NLK: variants seen among roughly 807,000 people sequenced by gnomAD.
The protein encoded by NLK is serine/threonine-protein kinase NLK.
In NLK, 11 loss-of-function variants were observed where a neutral mutation model predicts 59.0. That is an observed-to-expected ratio of 0.19 (90% CI 0.12 to 0.31). The LOEUF is 0.31. NLK is among the 10% of genes least tolerant of loss of function. The pLI is 1.00. For synonymous variants in NLK, 235 were observed against 235.9 expected (o/e 1.00, Z 0.03); for missense variants, 410 against 661.1 (o/e 0.62, Z 4.16).
At chr17:28,069,888 T>A (rs1909951478) in intron 1 of NLK, among the ~76,000 whole-genome samples, 1 of 152,180 alleles carries the variant, frequency 6.6e-6, no homozygotes, top group Non-Finnish European at 1.5e-5. Context: ...TTTGAGAAGT[T>A]AAGTTTATCA....
chr17:28,050,861 T>A (rs2142734654), intron 1 of NLK, among the ~76,000 whole-genome samples: 1 of 152,182 alleles, frequency 6.6e-6, no homozygotes, highest in East Asian at 1.9e-4. Flanking sequence ...ACCCAGCACT[T>A]TGGGTAGCTG....
intron 1 of NLK, among the ~76,000 whole-genome samples, chr17:28,065,390 A>G (rs1223830027): frequency 2.0e-5 from 3 of 152,078 alleles, no homozygotes; most frequent in Non-Finnish European, 4.4e-5. Flanking sequence ...AAGAGATGGC[A>G]GTGTTTGGGG....
chr17:28,055,114 G>C (rs1012071231), intron 1 of NLK, among the ~76,000 whole-genome samples: 3 of 139,666 alleles, frequency 2.1e-5, no homozygotes, highest in Non-Finnish European at 4.6e-5. Context: ...TTTTTTTTGA[G>C]ACGGATTCTC....
At chr17:28,201,776 G>A in the NLK span, among the ~76,000 whole-genome samples, 1 of 152,266 alleles carries the variant, frequency 6.6e-6, no homozygotes, top group East Asian at 1.9e-4. Context: ...AGCACTTTGG[G>A]AGGCCGAGGC....
chr17:28,165,586 A>T (rs1908189574), intron 5 of NLK, among the ~76,000 whole-genome samples: 1 of 152,234 alleles, frequency 6.6e-6, no homozygotes, highest in African/African-American at 2.4e-5. Context: ...AACATTTTTT[A>T]AAAATCAGTA....
chr17:28,099,592 G>A (rs1411439404), intron 1 of NLK, among the ~76,000 whole-genome samples: 13 of 108,942 alleles, frequency 1.2e-4, no homozygotes, highest in African/African-American at 6.0e-4. Context: ...TTTTTTTTGA[G>A]ACGGAGTCTT....
chr17:28,066,913 T>TA (rs1402626342), intron 1 of NLK, among the ~76,000 whole-genome samples: 1 of 152,232 alleles, frequency 6.6e-6, no homozygotes, highest in Non-Finnish European at 1.5e-5. Flanking sequence ...GTAAAGTATC[T>TA]ATTCAAGCCT....
intron 10 of NLK, among the ~76,000 whole-genome samples, chr17:28,192,680 C>CA (rs1440378444): frequency 6.6e-6 from 1 of 150,996 alleles, no homozygotes; most frequent in African/African-American, 2.4e-5. Flanking sequence ...AAAAAAAAAA[C>CA]AAAAAACTGT....
At chr17:28,200,674 G>C (rs1218832907), downstream of NLK, among the ~76,000 whole-genome samples, 1 of 152,192 alleles carries the variant, frequency 6.6e-6, no homozygotes, top group Non-Finnish European at 1.5e-5. Context: ...TGTAAAGGCG[G>C]GGTTTCACCA....
rs1286619421 is a variant in NLK, at chr17:28,042,934, TCTG to T, written c.63_65del (p.Ala25del). 4.5e-6 allele frequency: 7 copies of T among 1,550,036 alleles called. No homozygotes were observed. Among genetic ancestry groups the T allele is most frequent in the Admixed American group, 3.9e-5 (2 of 50,850 alleles). Reference sequence around the variant, plus strand: ...GATGGCGGCTTACAATGGCGGTACATCTGCAGCAGCAGCAGGTCACCACCACCA... The same window carrying T: ...GATGGCGGCTTACAATGGCGGTACATCAGCAGCAGCAGGTCACCACCACCA... On this transcript the variant is annotated inframe_deletion, in exon 1 of 11. Transcript: ENST00000407008.
chr17:28,203,164 T>TACACACACACACACACACACACACACAC, the NLK span, among the ~76,000 whole-genome samples: 261 of 136,990 alleles, frequency 1.9e-3, 3 homozygotes, highest in African/African-American at 6.2e-3. Flanking sequence ...TATACATACA[T>TACACACACACACACACACACACACACAC]ACACACACAC....
intron 7 of NLK, among the ~76,000 whole-genome samples, chr17:28,181,581 A>G (rs1022660403): frequency 1.3e-5 from 2 of 151,988 alleles, no homozygotes; most frequent in Non-Finnish European, 2.9e-5. Flanking sequence ...AAAAAAAAAA[A>G]AAAAGGAAAA....
intron 3 of NLK, among the ~76,000 whole-genome samples, chr17:28,160,458 A>T (rs983939998): frequency 2.0e-5 from 3 of 152,184 alleles, no homozygotes; most frequent in Non-Finnish European, 4.4e-5. Flanking sequence ...CGTGCTTCAC[A>T]AGAGTCTTGA....
chr17:28,100,773 TTACC>T (rs1490502413), intron 1 of NLK, among the ~76,000 whole-genome samples: 2 of 152,210 alleles, frequency 1.3e-5, no homozygotes, highest in Admixed American at 1.3e-4. Context: ...CTAGAAATCT[TTACC>T]TAACCCAAAG....
chr17:28,147,122 C>T (rs1907288890), intron 3 of NLK, among the ~76,000 whole-genome samples: 1 of 152,082 alleles, frequency 6.6e-6, no homozygotes, highest in Non-Finnish European at 1.5e-5. Flanking sequence ...TGCATTCATC[C>T]ATCTTTTTTC....
At chr17:28,146,716 G>A (rs1344941922) in intron 3 of NLK, among the ~76,000 whole-genome samples, 1 of 152,146 alleles carries the variant, frequency 6.6e-6, no homozygotes, top group Non-Finnish European at 1.5e-5. Context: ...CCCTCCTGAA[G>A]TAGAATTGTT....
intron 2 of NLK, among the ~76,000 whole-genome samples, chr17:28,126,048 T>G (rs774994273): frequency 6.6e-6 from 1 of 152,186 alleles, no homozygotes; most frequent in South Asian, 2.1e-4. Context: ...CAGTAAACTT[T>G]TATTATGCAC....
At chr17:28,069,302 C>G (rs76034594) in intron 1 of NLK, among the ~76,000 whole-genome samples, 11 of 152,152 alleles carry the variant, frequency 7.2e-5, no homozygotes, top group Non-Finnish European at 1.6e-4. Flanking sequence ...ATGAATATAG[C>G]ACAGTTTGTT....
At chr17:28,199,967 C>T (rs528468241), downstream of NLK, among the ~76,000 whole-genome samples, 1 of 152,192 alleles carries the variant, frequency 6.6e-6, no homozygotes, top group East Asian at 1.9e-4. Context: ...TAAGCTTCCC[C>T]GGAGAGCTGA....
Sources: allele counts gnomAD v4.1 joint callset (sites outside exome capture counted in the v4.1 genomes callset), GRCh38; gene constraint gnomAD v4.1.1; transcripts MANE v1.5; gene names NCBI Gene and HGNC (gene_info 2026-07-23, HGNC 2026-07-21).